MECR: variants seen among roughly 807,000 people sequenced by gnomAD.
The protein encoded by MECR is mitochondrial trans-2-enoyl-CoA reductase.
Under a neutral mutation model 49.1 loss-of-function variants are expected in MECR, and 37 were observed. That is an observed-to-expected ratio of 0.75 (90% confidence interval 0.58 to 0.99). MECR has a LOEUF of 0.99. MECR is among the 50% of genes least tolerant of loss of function. The pLI, the probability that MECR is intolerant of heterozygous loss-of-function variation, is 0.00. For synonymous variants in MECR, 198 were observed against 191.1 expected (o/e 1.04, Z -0.30); for missense variants, 470 against 479.6 (o/e 0.98, Z 0.19).
chr1:29,181,638 C>T, the MECR span: 6 of 1,582,682 alleles, frequency 3.8e-6, no homozygotes, highest in African/African-American at 1.4e-5. Flanking sequence ...CTCTTTCGCC[C>T]TCCTCACCCG....
intron 3 of MECR, among the ~76,000 whole-genome samples, chr1:29,214,458 T>C (rs911358387): frequency 2.0e-5 from 3 of 150,148 alleles, no homozygotes; most frequent in Admixed American, 6.7e-5. Context: ...ACCTACTGAG[T>C]TCAAGAGATT....
chr1:29,230,661 A>T (rs997419470), intron 1 of MECR, 70 bp downstream of exon 1: 2 of 1,517,320 alleles, frequency 1.3e-6, no homozygotes, highest in Non-Finnish European at 1.8e-6. Context: ...CTCTCTTCCC[A>T]GTCCGCAGCT....
At chr1:29,168,029 T>A in the MECR span, among the ~76,000 whole-genome samples, 6,324 of 141,142 alleles carry the variant, frequency 0.045, 376 homozygotes, top group African/African-American at 0.14. Context: ...TTTTTTTTTT[T>A]AAAAAAAACA....
chr1:29,202,037 A>G lies in MECR; in HGVS notation c.662T>C (p.Ile221Thr). 6.2e-7 allele frequency: 1 copy of G among 1,614,118 alleles called. No individual in the cohort carries two copies. Among genetic ancestry groups the G allele is most frequent in the African/African-American group, 1.3e-5 (1 of 75,024 alleles). The change falls in exon 6 of 10, where the codon ATC becomes ACC. Residue 221 changes from isoleucine to threonine, a missense_variant. Transcript: ENST00000263702. ...TINVVRDRPD[I>T]QKLSDRLKSL... ...CTTCAGTCTGTCACTCAGCTTCTGG[A>G]TATCAGGTCTGGAAACCAAACATAG...
chr1:29,174,043 G>A, the MECR span, among the ~76,000 whole-genome samples: 1 of 151,608 alleles, frequency 6.6e-6, no homozygotes, highest in South Asian at 2.1e-4. Context: ...ACAAAAATTA[G>A]CGGGGTGTGG....
chr1:29,188,208 G>T (rs1254864909), downstream of MECR, among the ~76,000 whole-genome samples: 2 of 149,264 alleles, frequency 1.3e-5, no homozygotes, highest in Non-Finnish European at 1.5e-5. Flanking sequence ...TTTTTTTTTT[G>T]AAATGGAGTC....
chr1:29,207,039 G>A, intron 3 of MECR, 134 bp from the exon 4 acceptor site: 1 of 914,010 alleles, frequency 1.1e-6, no homozygotes, highest in East Asian at 2.7e-5. Context: ...TAGCATCCAG[G>A]ATGTTTAGAA....
chr1:29,191,491 A>C (rs987325456), downstream of MECR, among the ~76,000 whole-genome samples: 4 of 152,110 alleles, frequency 2.6e-5, no homozygotes, highest in African/African-American at 9.7e-5. Context: ...GAGACACCTC[A>C]CCTGGCCTAA....
the MECR span, among the ~76,000 whole-genome samples, chr1:29,183,167 A>T: frequency 6.6e-6 from 1 of 152,192 alleles, no homozygotes; most frequent in South Asian, 2.1e-4. Flanking sequence ...GTCCTTTAGG[A>T]GGTTAATTTA....
At chr1:29,191,397 A>G (rs914896778), downstream of MECR, among the ~76,000 whole-genome samples, 2 of 152,018 alleles carry the variant, frequency 1.3e-5, no homozygotes, top group African/African-American at 2.4e-5. Context: ...TCCGCCTCCC[A>G]GGTTCAAGTG....
chr1:29,198,046 C>T (rs1332109601), intron 7 of MECR, among the ~76,000 whole-genome samples: 5 of 152,148 alleles, frequency 3.3e-5, no homozygotes, highest in East Asian at 1.9e-4. Context: ...GAAACTGTTC[C>T]GCCTCAGATT....
the MECR span, among the ~76,000 whole-genome samples, chr1:29,184,238 C>G: frequency 1.4e-5 from 2 of 144,906 alleles, no homozygotes; most frequent in African/African-American, 2.6e-5. Flanking sequence ...TGTAGTGGCA[C>G]TATCTTGGCT....
chr1:29,168,012 CTTT>C, the MECR span, among the ~76,000 whole-genome samples: 9 of 133,308 alleles, frequency 6.8e-5, no homozygotes, highest in Non-Finnish European at 9.5e-5. Flanking sequence ...GTTCTAATTC[CTTT>C]TTTTTTTTTT....
the MECR span, among the ~76,000 whole-genome samples, chr1:29,185,437 G>A: frequency 1.3e-5 from 2 of 151,470 alleles, no homozygotes; most frequent in African/African-American, 4.9e-5. Context: ...ATATTTTAGA[G>A]ACAGAGTTTA....
At chr1:29,174,829 A>G in the MECR span, among the ~76,000 whole-genome samples, 1 of 151,832 alleles carries the variant, frequency 6.6e-6, no homozygotes, top group Non-Finnish European at 1.5e-5. Flanking sequence ...GTGCGCCATC[A>G]TGCCCAGCTA....
the MECR span, among the ~76,000 whole-genome samples, chr1:29,186,063 C>G: frequency 6.6e-6 from 1 of 152,180 alleles, no homozygotes; most frequent in South Asian, 2.1e-4. Context: ...TTATATTAAC[C>G]TATTGTACAG....
chr1:29,217,846 A>C (rs539493125), intron 1 of MECR, among the ~76,000 whole-genome samples: 68 of 152,158 alleles, frequency 4.5e-4, no homozygotes, highest in African/African-American at 1.4e-3. Flanking sequence ...GTAGTTCACA[A>C]AGAACTCCCT....
intron 4 of MECR, among the ~76,000 whole-genome samples, chr1:29,205,329 C>T (rs1214118363): frequency 5.9e-5 from 9 of 151,898 alleles, no homozygotes; most frequent in Non-Finnish European, 7.4e-5. Flanking sequence ...GGGTCACAGG[C>T]GCTGCCACCA....
At chr1:29,228,353 C>CTT (rs5773235) in intron 1 of MECR, among the ~76,000 whole-genome samples, 1 of 134,600 alleles carries the variant, frequency 7.4e-6, no homozygotes, top group Non-Finnish European at 1.6e-5. Context: ...GTGGAAGTAT[C>CTT]TTTTTTTTTT....
Sources: allele counts gnomAD v4.1 joint callset (sites outside exome capture counted in the v4.1 genomes callset), GRCh38; gene constraint gnomAD v4.1.1; transcripts MANE v1.5; gene names NCBI Gene and HGNC (gene_info 2026-07-23, HGNC 2026-07-21).